Variants in NKD2 observed in about 807,000 individuals in gnomAD.
The protein encoded by NKD2 is protein naked cuticle homolog 2.
Under a neutral mutation model 34.8 loss-of-function variants are expected in NKD2, and 43 were observed. The ratio of observed to expected loss-of-function variants is 1.24; its 90% CI spans 0.97 to 1.60. NKD2 has a LOEUF of 1.60. Among genes scored for constraint, NKD2 ranks in the 40% most tolerant of loss-of-function variants. The probability of loss-of-function intolerance (pLI) is 0.00; values close to 1 mark genes in which losing one functional copy is unlikely to be tolerated. For missense variants in NKD2, 675 were observed against 627.1 expected, an observed-to-expected ratio of 1.08 and a Z score of -0.82; for synonymous variants, 278 against 265.1, an observed-to-expected ratio of 1.05 and a Z score of -0.47.
intron 3 of NKD2, among the ~76,000 whole-genome samples, chr5:1,022,829 G>T (rs562354514): frequency 3.5e-4 from 1 of 2,838 alleles, no homozygotes; most frequent in African/African-American, 3.7e-4. Flanking sequence ...CTTCCCACCC[G>T]CTGTGGGCGT....
intron 3 of NKD2, among the ~76,000 whole-genome samples, chr5:1,031,639 G>A (rs1053687256): frequency 6.6e-6 from 1 of 152,204 alleles, no homozygotes; most frequent in African/African-American, 2.4e-5. Context: ...CGGCTCAGCT[G>A]AAACACCGCT....
At chr5:1,037,679 G>C in intron 9 of NKD2, 126 bp from the exon 10 acceptor site, 1 of 1,537,550 alleles carries the variant, frequency 6.5e-7, no homozygotes, top group Non-Finnish European at 8.7e-7. Context: ...CTGCAGACTT[G>C]GCTAACAGAC....
rs933246129 is a variant in NKD2 at position 1,009,741 on chromosome 5, C to T, written c.141+181C>T. Among the ~76,000 whole-genome samples the T allele has an allele frequency of 6.6e-6, 1 of 152,126 alleles. No individual in the cohort carries two copies. The highest frequency in any genetic ancestry group is 6.5e-5 in the Admixed American group (1 of 15,288). On this transcript the variant is annotated intron_variant, in intron 3 of 9. Transcript: ENST00000296849. This position sits in a 1 kb window ranked among gnomAD's most constrained non-coding sequence, Gnocchi z 6.9. Reference sequence around the variant, plus strand: ...CAGCCTCCACGACGTCTGGGGCTCCCGTGGGGCGAGCCCTTGCTAGTGTCC... The same window carrying T: ...CAGCCTCCACGACGTCTGGGGCTCCTGTGGGGCGAGCCCTTGCTAGTGTCC...
At chr5:1,033,944 C>T (rs1458239617) in intron 5 of NKD2, among the ~76,000 whole-genome samples, 3 of 152,238 alleles carry the variant, frequency 2.0e-5, no homozygotes, top group African/African-American at 7.2e-5. Context: ...AGTGTGTCCT[C>T]TTCTCCTTCT....
chr5:1,034,201 G>C (rs1172665492), intron 5 of NKD2, 34 bp from the exon 6 acceptor site: 1 of 1,516,790 alleles, frequency 6.6e-7, no homozygotes, highest in Non-Finnish European at 9.1e-7. Context: ...GCGTGGGTAG[G>C]AGGCGAGGTC....
At chr5:1,035,822 T>G in intron 8 of NKD2, 7 of 295,400 alleles carry the variant, frequency 2.4e-5, no homozygotes, top group South Asian at 1.4e-4. Context: ...TGGCTGAGGG[T>G]GGCTGGGGCA....
At position 1,038,410 on chromosome 5, in the gene NKD2, C is replaced by T. The variant is rs117476328; in HGVS notation, c.*37C>T. The T allele has an allele frequency of 0.013, 19,783 of 1,535,608 alleles. 197 individuals are homozygous for T. The highest frequency in any genetic ancestry group is 0.046 in the East Asian group (1,899 of 40,870). ...AGCACACCTCGCTCCCAGCACACCACAGCCCGCGACCTCAGGGCAGGGAGC... is the reference window on the plus strand; with the variant it reads ...AGCACACCTCGCTCCCAGCACACCATAGCCCGCGACCTCAGGGCAGGGAGC... On this transcript the variant is annotated 3_prime_UTR_variant, in exon 10 of 10. Coordinates refer to ENST00000296849, the MANE Select transcript of NKD2 (RefSeq NM_033120.4). The surrounding 1 kb of genome is among the most constrained non-coding windows in gnomAD (Gnocchi z 4.5).
chr5:1,033,551 C>A (rs777588720), intron 5 of NKD2, 52 bp downstream of exon 5: 3 of 1,514,590 alleles, frequency 2.0e-6, no homozygotes, highest in Middle Eastern at 1.7e-4. Context: ...GGGCCGGGGG[C>A]TCAGGGACAG....
rs1330802004 is a variant in NKD2, at chr5:1,009,748, C to T, written c.141+188C>T. On this transcript the variant is annotated intron_variant, in intron 3 of 9. Transcript: ENST00000296849. This position sits in a 1 kb window ranked among gnomAD's most constrained non-coding sequence, Gnocchi z 6.9. ...CACGACGTCTGGGGCTCCCGTGGGG[C>T]GAGCCCTTGCTAGTGTCCCATGCTG... Among the ~76,000 whole-genome samples the T allele has an allele frequency of 6.6e-6, 1 of 152,164 alleles. No homozygotes were observed. Among genetic ancestry groups the T allele is most frequent in the African/African-American group, 2.4e-5 (1 of 41,438 alleles).
At chr5:1,030,920 C>G (rs560339694) in intron 3 of NKD2, among the ~76,000 whole-genome samples, 1 of 152,294 alleles carries the variant, frequency 6.6e-6, no homozygotes, top group South Asian at 2.1e-4. Flanking sequence ...GGGCCTGGGT[C>G]TCACTCAACA....
At chr5:1,035,818 A>G (rs1307207114) in intron 8 of NKD2, 2 of 245,680 alleles carry the variant, frequency 8.1e-6, no homozygotes, top group Non-Finnish European at 1.4e-5. Flanking sequence ...GCAGTGGCTG[A>G]GGGTGGCTGG....
At chr5:1,037,767 G>C in intron 9 of NKD2, 38 bp from the exon 10 acceptor site, 1 of 1,563,268 alleles carries the variant, frequency 6.4e-7, no homozygotes, top group Non-Finnish European at 8.6e-7. Flanking sequence ...ACCTGAGCCT[G>C]CACTCCCAGG....
At position 1,037,967 on chromosome 5, in the gene NKD2, T is replaced by C. The variant is rs1458415551; in HGVS notation, c.950T>C (p.Leu317Pro). 6.2e-7 allele frequency: 1 copy of C among 1,605,750 alleles called. No individual in the cohort carries two copies. The highest frequency in any genetic ancestry group is 8.5e-7 in the Non-Finnish European group (1 of 1,177,872). ...VPASEPAARA[L>P]DTQPRPKGPE... Reference sequence around the variant, plus strand: ...GCCTCGGAGCCTGCTGCCCGGGCCCTGGACACGCAGCCCCGGCCGAAGGGG... The same window carrying C: ...GCCTCGGAGCCTGCTGCCCGGGCCCCGGACACGCAGCCCCGGCCGAAGGGG... The change falls in exon 10 of 10, where the codon CTG becomes CCG. Residue 317 changes from leucine (L) to proline (P), a missense_variant. Coordinates refer to ENST00000296849, the MANE Select transcript of NKD2 (RefSeq NM_033120.4).
At chr5:1,034,019 C>T (rs1482306446) in intron 5 of NKD2, 4 of 590,428 alleles carry the variant, frequency 6.8e-6, no homozygotes, top group Non-Finnish European at 1.2e-5. Flanking sequence ...AATCACAGGG[C>T]ACAAAGCTGG....
intron 3 of NKD2, among the ~76,000 whole-genome samples, chr5:1,025,052 T>G: frequency 7.6e-5 from 1 of 13,098 alleles, no homozygotes; most frequent in African/African-American, 1.2e-4. Context: ...CCTCTGTGGG[T>G]GTCCCAGCCC....
intron 3 of NKD2, among the ~76,000 whole-genome samples, chr5:1,013,871 G>A (rs1269193456): frequency 6.6e-6 from 1 of 152,200 alleles, no homozygotes. Flanking sequence ...CGGCCCCTGT[G>A]TCTGTGAAGT....
chr5:1,028,622 C>T (rs1756518962), intron 3 of NKD2, among the ~76,000 whole-genome samples: 3 of 152,084 alleles, frequency 2.0e-5, no homozygotes, highest in Non-Finnish European at 4.4e-5. Flanking sequence ...GCCGTGGGGT[C>T]CCTGCTGACC....
At chr5:1,020,246 C>T (rs149439252) in intron 3 of NKD2, among the ~76,000 whole-genome samples, 206 of 152,226 alleles carry the variant, frequency 1.4e-3, no homozygotes, top group African/African-American at 4.4e-3. Context: ...TTTATGATCA[C>T]GCCTCTATTA....
At chr5:1,035,160 ATG>A (rs1733806186) in intron 7 of NKD2, among the ~76,000 whole-genome samples, 1 of 151,190 alleles carries the variant, frequency 6.6e-6, no homozygotes, top group Non-Finnish European at 1.5e-5. Context: ...GAGTTAATGA[ATG>A]AGTGAGTGTT....
Sources: allele counts gnomAD v4.1 joint callset (sites outside exome capture counted in the v4.1 genomes callset), GRCh38; gene constraint gnomAD v4.1.1; non-coding constraint Gnocchi (gnomAD v3.1); transcripts MANE v1.5; gene names NCBI Gene and HGNC (gene_info 2026-07-23, HGNC 2026-07-21).